The following LHX3 variants were observed in gnomAD, a reference collection of about 807,000 sequenced individuals.
The protein encoded by LHX3 is LIM/homeobox protein Lhx3.
Under a neutral mutation model 32.4 loss-of-function variants are expected in LHX3, and 21 were observed. The observed-to-expected ratio is 0.65, with a 90% confidence interval of 0.46 to 0.93. The LOEUF is 0.93. LHX3 is among the 40% of genes least tolerant of loss of function. The pLI, the probability that LHX3 is intolerant of heterozygous loss-of-function variation, is 0.00. For synonymous variants in LHX3, 258 were observed against 246.8 expected (o/e 1.05, Z -0.43); for missense variants, 626 against 560.0 (o/e 1.12, Z -1.19).
chr9:136,199,105 G>C, intron 3 of LHX3, 46 bp from the exon 4 acceptor site: 1 of 1,229,114 alleles, frequency 8.1e-7, no homozygotes, highest in Non-Finnish European at 1.0e-6. Context: ...CTCCGGCCCC[G>C]GCCGGACCCC....
At chr9:136,204,822 C>CCGCT in intron 1 of LHX3, 112 bp downstream of exon 1, 1 of 876,520 alleles carries the variant, frequency 1.1e-6, no homozygotes, top group South Asian at 1.4e-5. Flanking sequence ...CTGTGTCCCG[C>CCGCT]CTGCAGAGCG....
chr9:136,200,430 G>T, intron 2 of LHX3, 152 bp downstream of exon 2: 1 of 875,464 alleles, frequency 1.1e-6, no homozygotes, highest in Non-Finnish European at 1.8e-6. Context: ...AATTTGGCCA[G>T]GCCACAGGGT....
chr9:136,204,971 G>A lies in LHX3; in HGVS notation c.42C>T (p.Pro14=). Residue 14 remains proline, a synonymous_variant, in exon 1 of 6, where the codon CCC becomes CCT. Transcript: ENST00000371748. The part of the protein sequence containing the change: ...ETGLERDRAR[P]GAAAVCTLGG... ...CCAAGGTGCAGACGGCGGCGGCCCCGGGCCTCGCTCGGTCGCGCTCGAGCC... is the reference window on the plus strand; with the variant it reads ...CCAAGGTGCAGACGGCGGCGGCCCCAGGCCTCGCTCGGTCGCGCTCGAGCC... 3 of 1,597,390 alleles carry A rather than the reference G, an allele frequency of 1.9e-6. No individual in the cohort carries two copies. The highest frequency in any genetic ancestry group is 2.6e-6 in the Non-Finnish European group (3 of 1,175,236).
Position 136,204,917 on chromosome 9 carries a change from G to T in LHX3, c.79+17C>A. The T allele has an allele frequency of 1.3e-6, 2 of 1,587,260 alleles. No homozygotes were observed. Among genetic ancestry groups the T allele is most frequent in the Non-Finnish European group, 8.6e-7 (1 of 1,167,340 alleles). On this transcript the variant is annotated intron_variant, in intron 1 of 5. Transcript: ENST00000371748. ...CGCCCTTGCCGTTTCTGTCCTCAGT[G>T]TCCTGCTGGGGCTTACCCCGAGTCC... is the stretch of plus-strand genomic sequence containing the variant.
At chr9:136,202,865 T>G (rs1228685563) in intron 1 of LHX3, 5 of 1,465,264 alleles carry the variant, frequency 3.4e-6, no homozygotes, top group Non-Finnish European at 4.6e-6. Flanking sequence ...CTCTAGCTCC[T>G]GCCAGCCTCC....
rs748005574 is a variant in LHX3 at position 136,197,467 on chromosome 9, GC to G, written c.1051del (p.Ala351ProfsTer8). 2.1e-5 allele frequency: 33 copies of G among 1,572,546 alleles called. No individual in the cohort carries two copies. Among genetic ancestry groups the G allele is most frequent in the Non-Finnish European group, 2.8e-5 (32 of 1,159,798 alleles). On this transcript the variant is annotated frameshift_variant, in exon 6 of 6. Transcript: ENST00000371748. LOFTEE classifies it high-confidence loss of function. Reference sequence around the variant, plus strand: ...CCTCATGGGTGGGGGCCCGCCGGGGGCTCCCGAGGGCACAAGGCCCAAGCTG... The same window carrying G: ...CCTCATGGGTGGGGGCCCGCCGGGGGTCCCGAGGGCACAAGGCCCAAGCTG... ...DTSLGLVPSG[A>X]PGGPPPMRVL...
At chr9:136,201,471 C>A in intron 1 of LHX3, 1 of 1,211,486 alleles carries the variant, frequency 8.3e-7, no homozygotes, top group Non-Finnish European at 1.0e-6. Context: ...CCTGGAGGAA[C>A]CACACTGGGG....
In LHX3 at chr9:136,204,959, G is replaced by C. The variant is rs771263329; in HGVS notation, c.54C>G (p.Ala18=). 1.2e-6 allele frequency: 2 copies of C among 1,600,870 alleles called. No homozygotes were observed. Among genetic ancestry groups the C allele is most frequent in the Admixed American group, 3.4e-5 (2 of 59,374 alleles). ...ERDRARPGAA[A]VCTLGGTREI... is the part of the protein sequence containing the mutation. ...CCCGAGTCCCGCCCAAGGTGCAGACGGCGGCGGCCCCGGGCCTCGCTCGGT... is the reference window on the plus strand; with the variant it reads ...CCCGAGTCCCGCCCAAGGTGCAGACCGCGGCGGCCCCGGGCCTCGCTCGGT... Residue 18 remains alanine, a synonymous_variant, in exon 1 of 6, where the codon GCC becomes GCG. Transcript: ENST00000371748.
At chr9:136,204,817 T>C in intron 1 of LHX3, 117 bp downstream of exon 1, 1 of 842,396 alleles carries the variant, frequency 1.2e-6, no homozygotes, top group African/African-American at 1.7e-5. Flanking sequence ...CATCTCTGTG[T>C]CCCGCCTGCA....
In LHX3 at chr9:136,199,055, G is replaced by C. The variant is rs551758960; in HGVS notation, c.459C>G (p.Ala153=). The change falls in exon 4 of 6, where the codon GCC becomes GCG. Residue 153 remains alanine (A), a synonymous_variant. Transcript: ENST00000371748. ...TGCGCGGCCGCTTGGCCGTGGCCTC[G>C]GCCTCTGCGCGGCGGGCGAGCGGTG... is the stretch of plus-strand genomic sequence containing the variant. ...ADYETAKQRE[A]EATAKRPRTT... 3.9e-6 allele frequency: 6 copies of C among 1,543,754 alleles called. No individual in the cohort carries two copies. The highest frequency in any genetic ancestry group is 3.8e-5 in the Admixed American group (2 of 52,512).
In LHX3 at chr9:136,199,775, G is replaced by A. The variant is rs141212140; in HGVS notation, c.357C>T (p.Val119=). The part of the protein sequence containing the change: ...FVYHLHCFAC[V]VCKRQLATGD... ...CCGTGGCCAGCTGCCGCTTGCACAC[G>A]ACGCAGGCAAAGCAGTGCAGGTGGT... Residue 119 remains valine, a synonymous_variant, in exon 3 of 6, where the codon GTC becomes GTT. Transcript: ENST00000371748. 1 of 1,612,880 alleles carries A rather than the reference G, an allele frequency of 6.2e-7. No homozygotes were observed. The highest frequency in any genetic ancestry group is 1.3e-5 in the African/African-American group (1 of 75,074).
At chr9:136,200,140 C>A (rs1245799749) in intron 2 of LHX3, 4 of 610,844 alleles carry the variant, frequency 6.5e-6, no homozygotes, top group Non-Finnish European at 1.2e-5. Flanking sequence ...GAAGGTGAAT[C>A]CGGAGGGAGA....
intron 5 of LHX3, 117 bp from the exon 6 acceptor site, chr9:136,197,860 A>G (rs1239740487): frequency 9.6e-7 from 1 of 1,038,012 alleles, no homozygotes; most frequent in East Asian, 2.6e-5. Context: ...CCCACACCAC[A>G]TGACAGGTCA....
intron 2 of LHX3, 141 bp from the exon 3 acceptor site, chr9:136,200,021 C>T (rs1426037717): frequency 2.3e-6 from 2 of 888,396 alleles, no homozygotes; most frequent in Non-Finnish European, 3.6e-6. Context: ...GGTCGCCAGC[C>T]TGGCCGCCGG....
Position 136,198,829 on chromosome 9 carries a change from G to T in LHX3, c.607-9C>A. The T allele has an allele frequency of 6.2e-7, 1 of 1,603,068 alleles. No individual in the cohort carries two copies. Reference sequence around the variant, plus strand: ...CGGTTCTGGAACCAAACCTGGGGGCGGGGCGGGGTGAGCGGCCGCCCGGCT... The same window carrying T: ...CGGTTCTGGAACCAAACCTGGGGGCTGGGCGGGGTGAGCGGCCGCCCGGCT... On this transcript the variant is annotated splice_polypyrimidine_tract_variant and intron_variant, in intron 4 of 5. Coordinates refer to ENST00000371748, the MANE Select transcript of LHX3 (RefSeq NM_178138.6).
At chr9:136,204,868 G>A in intron 1 of LHX3, 66 bp downstream of exon 1, 2 of 1,337,582 alleles carry the variant, frequency 1.5e-6, no homozygotes, top group Non-Finnish European at 2.1e-6. Context: ...GGCCCTGCAC[G>A]CACCCCCTTC....
At chr9:136,201,787 A>C in intron 1 of LHX3, 3 of 813,248 alleles carry the variant, frequency 3.7e-6, no homozygotes, top group Non-Finnish European at 4.5e-6. Context: ...ATCCGGCAAA[A>C]CCGCAGCTCC....
intron 1 of LHX3, chr9:136,203,240 G>T (rs1831690070): frequency 7.4e-5 from 46 of 619,886 alleles, no homozygotes; most frequent in Non-Finnish European, 8.9e-5. Context: ...GGGCGGGGCG[G>T]GGCCGGGGGT....
chr9:136,203,176 G>A (rs1831687355), intron 1 of LHX3: 1 of 1,245,822 alleles, frequency 8.0e-7, no homozygotes, highest in African/African-American at 1.6e-5. Context: ...GCCGCCCTGG[G>A]GCCCGGAGCC....
Sources: gnomAD v4.1 joint callset for allele counts on GRCh38, gnomAD v4.1.1 for gene constraint, MANE v1.5 for transcripts, NCBI Gene and HGNC (gene_info 2026-07-23, HGNC 2026-07-21) for gene names.